Variants in PLEKHG4B observed in about 807,000 individuals in gnomAD.
The protein encoded by PLEKHG4B is pleckstrin homology domain-containing family G member 4B.
Under a neutral mutation model 121.3 loss-of-function variants are expected in PLEKHG4B, and 111 were observed. The ratio of observed to expected loss-of-function variants is 0.92; its 90% CI spans 0.78 to 1.07. PLEKHG4B has a LOEUF of 1.07. PLEKHG4B is among the 50% of genes least tolerant of loss of function. The pLI, the probability that PLEKHG4B is intolerant of heterozygous loss-of-function variation, is 0.00. For synonymous variants in PLEKHG4B, 738 were observed against 725.0 expected (o/e 1.02, Z -0.29); for missense variants, 1,831 against 1,757.8 (o/e 1.04, Z -0.74).
At chr5:152,051 T>G (rs1055689553) in intron 7 of PLEKHG4B, among the ~76,000 whole-genome samples, 11 of 152,242 alleles carry the variant, frequency 7.2e-5, no homozygotes, top group Non-Finnish European at 7.3e-5. Context: ...GTGTTAATTT[T>G]CCTTTGGCTG....
intron 2 of PLEKHG4B, among the ~76,000 whole-genome samples, chr5:122,379 C>G (rs751838778): frequency 6.6e-6 from 1 of 151,812 alleles, no homozygotes; most frequent in Non-Finnish European, 1.5e-5. Flanking sequence ...ACTGAACGTT[C>G]GTTGTATAAA....
intron 2 of PLEKHG4B, among the ~76,000 whole-genome samples, chr5:125,307 T>C (rs1313544729): frequency 6.6e-6 from 1 of 152,216 alleles, no homozygotes; most frequent in African/African-American, 2.4e-5. Context: ...TGATTTTTTG[T>C]AGTAAAAGTC....
Position 181,772 on chromosome 5 carries a change from G to A in PLEKHG4B, c.4564+97G>A, listed in dbSNP as rs926805090. On this transcript the variant is annotated intron_variant, in intron 19 of 19. Transcript: ENST00000637938. Reference sequence around the variant, plus strand: ...GGTGGCATCGGCCCCACCCTCACTCGCCCACAGAGTGCACCAGGCCTGTCG... The same window carrying A: ...GGTGGCATCGGCCCCACCCTCACTCACCCACAGAGTGCACCAGGCCTGTCG... 3.2e-5 allele frequency: 48 copies of A among 1,477,778 alleles called. No homozygotes were observed. In the East Asian group the frequency reaches 4.1e-4, roughly 13 times the overall value. The allele number at this position is 1,477,778 out of a possible 1,614,324, so 91.5% of individuals were successfully genotyped here. A position where few individuals can be genotyped will look rare whatever the true frequency, so the allele number is the denominator to read the frequency against.
intron 6 of PLEKHG4B, among the ~76,000 whole-genome samples, chr5:148,017 A>T (rs1735481048): frequency 6.6e-6 from 1 of 152,228 alleles, no homozygotes; most frequent in African/African-American, 2.4e-5. Flanking sequence ...AAAGCATTTG[A>T]CAAAATTCAA....
At chr5:143,011 C>T (rs1553986512) in intron 3 of PLEKHG4B, 36 bp from the exon 4 acceptor site, 3 of 1,591,924 alleles carry the variant, frequency 1.9e-6, no homozygotes, top group East Asian at 4.5e-5. Flanking sequence ...CGCAGGAAAA[C>T]CTTCATCTTT....
rs185566542 is a variant in PLEKHG4B, at chr5:139,272, T to A, written c.244-211T>A. Among the ~76,000 whole-genome samples, 31 of 152,344 alleles carry A rather than the reference T, an allele frequency of 2.0e-4. No homozygotes were observed. Among genetic ancestry groups the A allele is most frequent in the African/African-American group, 7.2e-4 (30 of 41,576 alleles). ...AGGAAGAGCTATACAATTGCTTTTT[T>A]AACTGACCCCTGAACCAAAGAGCAG... is the stretch of plus-strand genomic sequence containing the variant. On this transcript the variant is annotated intron_variant, in intron 2 of 19. Coordinates refer to ENST00000637938, the MANE Select transcript of PLEKHG4B (RefSeq NM_052909.5). The surrounding 1 kb of genome is among the most constrained non-coding windows in gnomAD (Gnocchi z 5.0).
chr5:132,406 T>C (rs1734806124), intron 2 of PLEKHG4B, among the ~76,000 whole-genome samples: 1 of 152,200 alleles, frequency 6.6e-6, no homozygotes, highest in African/African-American at 2.4e-5. Context: ...TAAAGTCCCA[T>C]CTATTTATCT....
At chr5:163,765 G>C (rs1736136447) in intron 13 of PLEKHG4B, among the ~76,000 whole-genome samples, 4 of 152,178 alleles carry the variant, frequency 2.6e-5, no homozygotes, top group Admixed American at 2.6e-4. Flanking sequence ...CTGCCTGGAT[G>C]GTGTGTGGTA....
At chr5:169,294 T>C (rs79806378) in intron 13 of PLEKHG4B, 46 bp from the exon 14 acceptor site, 171,766 of 1,600,452 alleles carry the variant, frequency 0.11, 10,189 homozygotes, top group Non-Finnish European at 0.12. Flanking sequence ...TTTAATAAAG[T>C]GTCCGTGGGG....
At position 137,424 on chromosome 5, in the gene PLEKHG4B, TACAC is replaced by T. The variant is rs1016783499; in HGVS notation, c.244-2048_244-2045del. Among the ~76,000 whole-genome samples, 29 of 152,046 alleles carry T rather than the reference TACAC, an allele frequency of 1.9e-4. No homozygotes were observed. The highest frequency in any genetic ancestry group is 2.4e-4 in the Non-Finnish European group (16 of 67,958). ...TGGTGAACTTCACATTATATCTGTT[TACAC>T]ACACACACACCCTCCTCCCCACAGT... On this transcript the variant is annotated intron_variant, in intron 2 of 19. Coordinates refer to ENST00000637938, the MANE Select transcript of PLEKHG4B (RefSeq NM_052909.5). The surrounding 1 kb of genome is among the most constrained non-coding windows in gnomAD (Gnocchi z 4.2).
At chr5:169,751 G>A (rs1280409897) in intron 14 of PLEKHG4B, among the ~76,000 whole-genome samples, 159 bp downstream of exon 14, 1 of 152,250 alleles carries the variant, frequency 6.6e-6, no homozygotes, top group Non-Finnish European at 1.5e-5. Context: ...CCGAAAAACA[G>A]ATGCCCCACA....
At chr5:164,031 A>G (rs1013425439) in intron 13 of PLEKHG4B, among the ~76,000 whole-genome samples, 2 of 152,232 alleles carry the variant, frequency 1.3e-5, no homozygotes, top group African/African-American at 4.8e-5. Flanking sequence ...GGGTGGGCGC[A>G]CTCGGCCCCT....
Position 169,122 on chromosome 5 carries a change from C to T in PLEKHG4B, c.3477-218C>T, listed in dbSNP as rs558826674. 12 of 586,848 alleles carry T rather than the reference C, an allele frequency of 2.0e-5. No homozygotes were observed. The African/African-American group carries it at 2.1e-4, about 10-fold the overall frequency. 36.4% of individuals were successfully genotyped at this position (586,848 alleles called of 1,614,324 possible). A position where few individuals can be genotyped will look rare whatever the true frequency, so the allele number is the denominator to read the frequency against. The stretch of plus-strand genomic sequence containing the variant: ...ATCTCTTGACCTCGTGATCTACCCG[C>T]CTCAGCCTCCCAAAGTCCTGGGATT... On this transcript the variant is annotated intron_variant, in intron 13 of 19. Coordinates refer to ENST00000637938, the MANE Select transcript of PLEKHG4B (RefSeq NM_052909.5).
intron 13 of PLEKHG4B, among the ~76,000 whole-genome samples, chr5:166,968 C>T (rs1365358606): frequency 6.6e-6 from 1 of 152,210 alleles, no homozygotes; most frequent in East Asian, 1.9e-4. Context: ...CCCTGAGTCT[C>T]AGCAAGTGGC....
At chr5:169,648 A>G (rs1108868) in intron 14 of PLEKHG4B, 56 bp downstream of exon 14, 925,966 of 1,594,270 alleles carry the variant, frequency 0.58, 273,753 homozygotes, top group Non-Finnish European at 0.61. Flanking sequence ...AGCCGGTGTC[A>G]GAGAGGCGGG....
At chr5:161,554 TA>T (rs1308178981) in intron 11 of PLEKHG4B, among the ~76,000 whole-genome samples, 1 of 152,170 alleles carries the variant, frequency 6.6e-6, no homozygotes, top group Admixed American at 6.5e-5. Flanking sequence ...TTCGCATGTT[TA>T]AATATAAAAT....
intron 13 of PLEKHG4B, among the ~76,000 whole-genome samples, chr5:164,411 T>C (rs906031930): frequency 5.4e-5 from 8 of 147,846 alleles, no homozygotes; most frequent in Non-Finnish European, 1.0e-4. Context: ...ATGATGTGAC[T>C]GGGGGCGGAG....
At chr5:119,513 C>T (rs1331924392) in intron 2 of PLEKHG4B, among the ~76,000 whole-genome samples, 2 of 152,128 alleles carry the variant, frequency 1.3e-5, no homozygotes, top group Non-Finnish European at 2.9e-5. Flanking sequence ...ACAGATGTGT[C>T]CAGTTACAAT....
rs537990687 is a variant in PLEKHG4B at position 188,295 on chromosome 5, A to C, written c.*5972A>C. ...CTTCCCAGACTGCGTGCTGTGTCAG[A>C]GTTTTCACACCTGCCTGATGTCCTG... On this transcript the variant is annotated 3_prime_UTR_variant, in exon 20 of 20. Coordinates refer to ENST00000637938, the MANE Select transcript of PLEKHG4B (RefSeq NM_052909.5). 6.6e-6 allele frequency: 1 copy of C among 152,218 alleles called. No homozygotes were observed. The highest frequency in any genetic ancestry group is 2.4e-5 in the African/African-American group (1 of 41,518). 9.4% of individuals were successfully genotyped at this position (152,218 alleles called of 1,614,324 possible).
Sources: gnomAD v4.1 joint callset for allele counts (sites outside exome capture counted in the v4.1 genomes callset) on GRCh38, gnomAD v4.1.1 for gene constraint, Gnocchi (gnomAD v3.1) non-coding constraint, MANE v1.5 for transcripts, NCBI Gene and HGNC (gene_info 2026-07-23, HGNC 2026-07-21) for gene names.